The following EFCAB6 variants were observed in gnomAD, a reference collection of about 807,000 sequenced individuals.
The protein encoded by EFCAB6 is EF-hand calcium-binding domain-containing protein 6.
A neutral mutation model predicts 169.8 loss-of-function variants in EFCAB6; 156 were observed. The observed-to-expected ratio is 0.92, with a 90% CI of 0.81 to 1.05. The LOEUF (loss-of-function observed/expected upper bound fraction) is 1.05, where lower values mean the gene tolerates loss of function less well. Among genes scored for constraint, EFCAB6 ranks in the 50% least tolerant of loss-of-function variants. The probability of loss-of-function intolerance (pLI) is 0.00; values close to 1 mark genes in which losing one functional copy is unlikely to be tolerated. For synonymous variants in EFCAB6, 698 were observed against 676.4 expected (o/e 1.03, Z -0.50); for missense variants, 1,800 against 1,829.1 (o/e 0.98, Z 0.29).
rs6006725 is a variant in EFCAB6, at chr22:43,529,859, C to T, written c.4384-884G>A. Among the ~76,000 whole-genome samples the T allele has an allele frequency of 4.3e-3, 649 of 152,316 alleles. 8 individuals carry two copies. The highest frequency in any genetic ancestry group is 0.015 in the African/African-American group (622 of 41,578). ...TTTCACCTTAAGCTGCTATTTTCCCCGCCCCATTATGTGAAGCTGAAACAA... is the reference window on the plus strand; with the variant it reads ...TTTCACCTTAAGCTGCTATTTTCCCTGCCCCATTATGTGAAGCTGAAACAA... On this transcript the variant is annotated intron_variant, in intron 31 of 31. Transcript: ENST00000262726.
intron 26 of EFCAB6, among the ~76,000 whole-genome samples, chr22:43,562,401 A>G (rs993527021): frequency 6.6e-6 from 1 of 152,194 alleles, no homozygotes. Context: ...GTATCTTGCT[A>G]GTAAAAAGCA....
At chr22:43,602,005 C>T (rs560609280) in intron 22 of EFCAB6, among the ~76,000 whole-genome samples, 3 of 152,384 alleles carry the variant, frequency 2.0e-5, no homozygotes, top group Admixed American at 6.5e-5. Context: ...CCTTGGACGA[C>T]GTCCTCCGCT....
chr22:43,809,947 C>A (rs768384593), intron 1 of EFCAB6, among the ~76,000 whole-genome samples: 1 of 152,084 alleles, frequency 6.6e-6, no homozygotes, highest in African/African-American at 2.4e-5. Flanking sequence ...GTCGCCCAGG[C>A]TGGAGTACAG....
At chr22:43,610,597 T>C (rs991064636) in intron 21 of EFCAB6, among the ~76,000 whole-genome samples, 3 of 152,234 alleles carry the variant, frequency 2.0e-5, no homozygotes, top group African/African-American at 7.2e-5. Context: ...ACAGAAAAAG[T>C]GTGCTGGCTC....
At chr22:43,531,063 C>CG (rs1458339358) in intron 30 of EFCAB6, 99 bp from the exon 31 acceptor site, 2 of 1,508,164 alleles carry the variant, frequency 1.3e-6, no homozygotes, top group Admixed American at 3.6e-5. Flanking sequence ...AGCCCTGCTC[C>CG]GGCTTCACCT....
At chr22:43,650,182 G>C (rs996698560) in intron 17 of EFCAB6, among the ~76,000 whole-genome samples, 2 of 152,114 alleles carry the variant, frequency 1.3e-5, no homozygotes, top group Admixed American at 1.3e-4. Context: ...GAATAACCCA[G>C]TGATATGGTT....
intron 10 of EFCAB6, among the ~76,000 whole-genome samples, chr22:43,701,639 G>A (rs889115624): frequency 2.6e-5 from 4 of 151,420 alleles, no homozygotes; most frequent in Non-Finnish European, 4.4e-5. Context: ...AATAAATGAT[G>A]GTGGGAAAAT....
At chr22:43,587,745 C>T (rs1273617087) in intron 24 of EFCAB6, among the ~76,000 whole-genome samples, 1 of 152,192 alleles carries the variant, frequency 6.6e-6, no homozygotes, top group Non-Finnish European at 1.5e-5. Flanking sequence ...GTAATGTCCA[C>T]AGATTCCAGG....
chr22:43,627,952 G>A (rs544648773), intron 19 of EFCAB6, among the ~76,000 whole-genome samples: 1 of 152,204 alleles, frequency 6.6e-6, no homozygotes, highest in African/African-American at 2.4e-5. Flanking sequence ...AAAAGATGCC[G>A]CCCCTGCCTC....
At chr22:43,627,259 G>A (rs964099549) in intron 19 of EFCAB6, among the ~76,000 whole-genome samples, 1 of 152,184 alleles carries the variant, frequency 6.6e-6, no homozygotes, top group Non-Finnish European at 1.5e-5. Flanking sequence ...TTTTGCAGAT[G>A]AGGAAACAGA....
Position 43,528,879 on chromosome 22 carries a change from CGTT to C in EFCAB6, c.4477_4479del (p.Asn1493del). On this transcript the variant is annotated inframe_deletion, in exon 32 of 32. Coordinates refer to ENST00000262726, the MANE Select transcript of EFCAB6 (RefSeq NM_022785.4). ...TACTGGAGGAATGCCCGGAGGAAGT[CGTT>C]GTAGGAGATTTTTGAAGACAGCGTC... 6.2e-7 allele frequency: 1 copy of C among 1,611,138 alleles called. No individual in the cohort carries two copies. The highest frequency in any genetic ancestry group is 8.5e-7 in the Non-Finnish European group (1 of 1,177,706).
At chr22:43,709,294 C>A (rs1201366335) in intron 10 of EFCAB6, among the ~76,000 whole-genome samples, 3 of 152,132 alleles carry the variant, frequency 2.0e-5, no homozygotes, top group African/African-American at 7.2e-5. Flanking sequence ...GTTGGCCAGG[C>A]TGGTCTCGAA....
rs12159591 is a variant in EFCAB6 at position 43,626,574 on chromosome 22, C to G, written c.2338G>C (p.Asp780His). The change falls in exon 20 of 32, where the codon GAC (aspartate) becomes CAC (histidine). Residue 780 changes from aspartate to histidine, a missense_variant. Asp to His is a moderately conservative substitution (Grantham distance 81). Transcript: ENST00000262726. Reference sequence around the variant, plus strand: ...AGGCCAAGGAAGCGCTCAAACTCGTCGTCTTTGAGATTAAGCAGTAGATGC... The same window carrying G: ...AGGCCAAGGAAGCGCTCAAACTCGTGGTCTTTGAGATTAAGCAGTAGATGC... ...LLHLLLNLKD[D>H]EFERFLGLLG... The G allele has an allele frequency of 1.2e-6, 2 of 1,614,048 alleles. No homozygotes were observed. The highest frequency in any genetic ancestry group is 2.7e-5 in the African/African-American group (2 of 74,912).
At chr22:43,613,894 A>C (rs761168176) in intron 21 of EFCAB6, among the ~76,000 whole-genome samples, 77 of 152,124 alleles carry the variant, frequency 5.1e-4, no homozygotes, top group Non-Finnish European at 1.1e-3. Flanking sequence ...TGGGAGGCTG[A>C]GGTAGGAGGA....
intron 22 of EFCAB6, among the ~76,000 whole-genome samples, chr22:43,605,650 A>T (rs935947371): frequency 2.0e-5 from 3 of 152,156 alleles, no homozygotes; most frequent in African/African-American, 7.2e-5. Context: ...CAAAAAAAAA[A>T]AATCTCAGTT....
chr22:43,701,689 C>A (rs1490567240), intron 10 of EFCAB6, among the ~76,000 whole-genome samples: 4 of 148,042 alleles, frequency 2.7e-5, no homozygotes, highest in African/African-American at 2.5e-5. Context: ...ATTTGGATAC[C>A]TGCCTTATAT....
intron 27 of EFCAB6, chr22:43,540,678 A>T (rs923425444): frequency 4.9e-6 from 4 of 809,560 alleles, no homozygotes; most frequent in Non-Finnish European, 6.8e-6. Flanking sequence ...GTGTATTCGA[A>T]CATTTGGGAG....
intron 31 of EFCAB6, 56 bp downstream of exon 31, chr22:43,530,759 C>T: frequency 1.9e-6 from 3 of 1,602,986 alleles, no homozygotes; most frequent in Non-Finnish European, 2.6e-6. Context: ...AGTTTCTGGC[C>T]GCTGGCATTT....
chr22:43,728,401 A>ATT (rs1156812437), intron 8 of EFCAB6, among the ~76,000 whole-genome samples: 5 of 152,194 alleles, frequency 3.3e-5, no homozygotes, highest in African/African-American at 1.2e-4. Flanking sequence ...TAGTAGAATG[A>ATT]TTTATAATCT....
Sources: gnomAD v4.1 joint callset for allele counts (sites outside exome capture counted in the v4.1 genomes callset) on GRCh38, gnomAD v4.1.1 for gene constraint, MANE v1.5 for transcripts, NCBI Gene and HGNC (gene_info 2026-07-23, HGNC 2026-07-21) for gene names.